Variants in PTBP2 observed in about 807,000 individuals in gnomAD.
PTBP2 encodes polypyrimidine tract-binding protein 2.
A neutral mutation model predicts 61.4 loss-of-function variants in PTBP2; 13 were observed. That is an observed-to-expected ratio of 0.21 (90% CI 0.14 to 0.34). PTBP2 has a LOEUF of 0.34. Ranked by LOEUF, PTBP2 falls within the 10% of genes least tolerant of loss-of-function variation. The pLI is 1.00. For missense variants in PTBP2, 405 were observed against 642.6 expected, an observed-to-expected ratio of 0.63 and a Z score of 4.00; for synonymous variants, 215 against 218.5, an observed-to-expected ratio of 0.98 and a Z score of 0.14.
intron 11 of PTBP2, among the ~76,000 whole-genome samples, chr1:96,809,055 T>C (rs1462157017): frequency 1.3e-5 from 2 of 152,168 alleles, no homozygotes; most frequent in African/African-American, 2.4e-5. Flanking sequence ...ACAGAATTGA[T>C]AAAGGATTTA....
At chr1:96,776,892 C>G (rs1157052725) in intron 5 of PTBP2, among the ~76,000 whole-genome samples, 1 of 151,880 alleles carries the variant, frequency 6.6e-6, no homozygotes, top group Non-Finnish European at 1.5e-5. Context: ...AATAGTCTAT[C>G]TTCCATAGTT....
At chr1:96,739,550 G>C (rs532595960) in intron 2 of PTBP2, among the ~76,000 whole-genome samples, 1 of 148,046 alleles carries the variant, frequency 6.8e-6, no homozygotes, top group Non-Finnish European at 1.5e-5. Context: ...GAATTATACA[G>C]TATAGGTTAA....
chr1:96,792,992 T>G (rs1368904161), intron 8 of PTBP2, among the ~76,000 whole-genome samples: 1 of 152,158 alleles, frequency 6.6e-6, no homozygotes, highest in East Asian at 1.9e-4. Flanking sequence ...ACATAGATTT[T>G]GAAGCACATT....
intron 3 of PTBP2, among the ~76,000 whole-genome samples, chr1:96,761,043 G>A (rs1394023604): frequency 6.6e-6 from 1 of 152,158 alleles, no homozygotes; most frequent in Non-Finnish European, 1.5e-5. Flanking sequence ...AAACCAGACA[G>A]ACCTGAAAGA....
At chr1:96,759,773 A>G (rs1333850082) in intron 3 of PTBP2, among the ~76,000 whole-genome samples, 2 of 152,240 alleles carry the variant, frequency 1.3e-5, no homozygotes, top group Non-Finnish European at 2.9e-5. Context: ...TTGTGTATCA[A>G]TACATGCATA....
chr1:96,778,013 ATG>A, intron 7 of PTBP2, 67 bp downstream of exon 7: 2 of 771,404 alleles, frequency 2.6e-6, no homozygotes, highest in East Asian at 2.8e-5. Flanking sequence ...ATATATATAT[ATG>A]TATGTATACT....
Position 96,735,021 on chromosome 1 carries a change from G to C in PTBP2, c.39+11427G>C, listed in dbSNP as rs112750330. Among the ~76,000 whole-genome samples the C allele has an allele frequency of 3.8e-3, 566 of 150,108 alleles. 4 individuals are homozygous for C. Among genetic ancestry groups the C allele is most frequent in the African/African-American group, 0.013 (543 of 40,784 alleles). On this transcript the variant is annotated intron_variant, in intron 2 of 13. Coordinates refer to ENST00000674951, the MANE Select transcript of PTBP2 (RefSeq NM_021190.4). ...CAACCTCTGCCTCCCGGATTCAAGC[G>C]ATTCTCCTGCCTCAGCTTCCCAAGT...
At chr1:96,779,727 A>C (rs1009751738) in intron 7 of PTBP2, among the ~76,000 whole-genome samples, 1 of 152,130 alleles carries the variant, frequency 6.6e-6, no homozygotes, top group Non-Finnish European at 1.5e-5. Context: ...TACAGAAGGA[A>C]AAAGAAATTT....
At chr1:96,747,253 A>G (rs1035556846) in intron 2 of PTBP2, among the ~76,000 whole-genome samples, 3 of 152,102 alleles carry the variant, frequency 2.0e-5, no homozygotes, top group Non-Finnish European at 2.9e-5. Context: ...GACATCTTCC[A>G]TGTTGATTGC....
chr1:96,741,902 G>A (rs578046586), intron 2 of PTBP2, among the ~76,000 whole-genome samples: 5 of 152,212 alleles, frequency 3.3e-5, no homozygotes, highest in South Asian at 2.1e-4. Flanking sequence ...TCAGGTTTCC[G>A]TATATTCACA....
chr1:96,772,367 G>A (rs944709055), intron 5 of PTBP2, among the ~76,000 whole-genome samples: 22 of 152,174 alleles, frequency 1.4e-4, no homozygotes, highest in Non-Finnish European at 2.8e-4. Flanking sequence ...CAACTCATTA[G>A]CATACAAAAT....
intron 7 of PTBP2, among the ~76,000 whole-genome samples, chr1:96,778,423 CT>C (rs1300020492): frequency 2.0e-5 from 3 of 151,576 alleles, no homozygotes; most frequent in African/African-American, 7.3e-5. Flanking sequence ...TTTCTAGTCA[CT>C]TTTTATTCAT....
rs540347997 is a variant in PTBP2, at chr1:96,783,633, G to A, written c.709-1426G>A. 2.6e-5 allele frequency among the ~76,000 whole-genome samples: 4 copies of A among 152,082 alleles called. No homozygotes were observed. In the South Asian group the frequency reaches 8.3e-4, roughly 32 times the overall value. On this transcript the variant is annotated intron_variant, in intron 7 of 13. Transcript: ENST00000674951. ...AACATTGAAGTAGTCACCTAAGAGT[G>A]AATTTTGCTACTTATCTTTTGATAT...
intron 8 of PTBP2, among the ~76,000 whole-genome samples, chr1:96,789,536 C>A (rs1420751152): frequency 1.3e-5 from 2 of 152,030 alleles, no homozygotes; most frequent in Admixed American, 1.3e-4. Flanking sequence ...TCATTTAAAT[C>A]TATTTTGGTA....
At chr1:96,815,694 TGTA>T (rs1207001231), downstream of PTBP2, 16 of 152,208 alleles carry the variant, frequency 1.1e-4, no homozygotes, top group Admixed American at 9.8e-4. Flanking sequence ...CTATACTTAA[TGTA>T]GTAATTCAGT....
chr1:96,804,717 C>A (rs1221812602), intron 8 of PTBP2, 83 bp from the exon 9 acceptor site: 2 of 1,358,200 alleles, frequency 1.5e-6, no homozygotes. Flanking sequence ...ATGCAGCCAT[C>A]GTGCTTAAAT....
At chr1:96,807,631 T>G (rs978220618) in intron 11 of PTBP2, among the ~76,000 whole-genome samples, 7 of 152,212 alleles carry the variant, frequency 4.6e-5, no homozygotes, top group African/African-American at 1.7e-4. Context: ...TCAGACTGAT[T>G]GTATTCACAT....
intron 11 of PTBP2, among the ~76,000 whole-genome samples, chr1:96,812,354 G>C (rs1265509977): frequency 1.3e-5 from 2 of 152,268 alleles, no homozygotes; most frequent in Non-Finnish European, 2.9e-5. Flanking sequence ...TTAGGAGGAA[G>C]GCTATCACAA....
At chr1:96,746,859 C>CTCCT (rs1653869159) in intron 2 of PTBP2, among the ~76,000 whole-genome samples, 2 of 118,828 alleles carry the variant, frequency 1.7e-5, no homozygotes, top group South Asian at 7.0e-4. Flanking sequence ...CTCCCCCTCC[C>CTCCT]TCCGTCCGTC....
Sources: gnomAD v4.1 joint callset for allele counts (sites outside exome capture counted in the v4.1 genomes callset) on GRCh38, gnomAD v4.1.1 for gene constraint, MANE v1.5 for transcripts, NCBI Gene and HGNC (gene_info 2026-07-23, HGNC 2026-07-21) for gene names.